Variants in RNF216 observed in about 807,000 individuals in gnomAD.
RNF216 encodes ring finger protein 216, also known as E3 ubiquitin-protein ligase RNF216.
In RNF216, 72 loss-of-function variants were observed where a neutral mutation model predicts 110.8. The observed-to-expected ratio is 0.65, with a 90% CI of 0.54 to 0.79. RNF216 has a LOEUF of 0.79. Among genes scored for constraint, RNF216 ranks in the 30% least tolerant of loss-of-function variants. The pLI is 0.00. For synonymous variants in RNF216, 495 were observed against 407.5 expected, an observed-to-expected ratio of 1.21 and a Z score of -2.59; for missense variants, 1,342 against 1,141.2, an observed-to-expected ratio of 1.18 and a Z score of -2.54.
At position 5,724,838 on chromosome 7, in the gene RNF216, G is replaced by C. The variant is rs190788610; in HGVS notation, c.1504+486C>G. On this transcript the variant is annotated intron_variant, in intron 8 of 16. Transcript: ENST00000389902. ...CTCAAGTTTACATTTTTGGGGATCA[G>C]ACCTAAATAACCTCTTCAAAAGGGT... Among the ~76,000 whole-genome samples the C allele has an allele frequency of 1.3e-5, 2 of 152,134 alleles. 1 individual carries two copies. Among genetic ancestry groups the C allele is most frequent in the South Asian group, 4.1e-4 (2 of 4,830 alleles).
chr7:5,684,957 C>T (rs1487080983), intron 13 of RNF216, among the ~76,000 whole-genome samples: 2 of 152,088 alleles, frequency 1.3e-5, no homozygotes, highest in African/African-American at 4.8e-5. Flanking sequence ...CCACAGGCTT[C>T]AGGATGTGCA....
chr7:5,745,885 G>A (rs1373988595), intron 3 of RNF216, among the ~76,000 whole-genome samples: 2 of 93,656 alleles, frequency 2.1e-5, no homozygotes, highest in Admixed American at 2.8e-4. Context: ...GATAGATTGA[G>A]ACTGTCTTAA....
intron 13 of RNF216, among the ~76,000 whole-genome samples, chr7:5,679,184 C>T (rs1230381075): frequency 6.6e-6 from 1 of 150,622 alleles, no homozygotes; most frequent in South Asian, 2.1e-4. Context: ...CTGTCACCCT[C>T]GGGTAGGGGT....
chr7:5,655,676 G>A (rs1018957860), intron 13 of RNF216, among the ~76,000 whole-genome samples: 2 of 150,618 alleles, frequency 1.3e-5, no homozygotes, highest in African/African-American at 5.0e-5. Flanking sequence ...ATTAAAATAA[G>A]GCAAGCAAAC....
intron 6 of RNF216, 38 bp from the exon 7 acceptor site, chr7:5,729,634 A>G: frequency 6.4e-7 from 1 of 1,551,522 alleles, no homozygotes; most frequent in African/African-American, 1.4e-5. Context: ...GAGGCCAGGC[A>G]GTACATTTCC....
At chr7:5,674,062 C>T (rs1044437007) in intron 13 of RNF216, among the ~76,000 whole-genome samples, 1 of 151,492 alleles carries the variant, frequency 6.6e-6, no homozygotes, top group Non-Finnish European at 1.5e-5. Flanking sequence ...CGGAGTCTTG[C>T]CTTGTCGCCC....
intron 1 of RNF216, among the ~76,000 whole-genome samples, chr7:5,764,868 A>C (rs1315918413): frequency 6.6e-6 from 1 of 152,034 alleles, no homozygotes; most frequent in African/African-American, 2.4e-5. Context: ...GAAATTCGAG[A>C]CCAGCCTGAG....
At chr7:5,670,881 G>A (rs534147210) in intron 13 of RNF216, among the ~76,000 whole-genome samples, 2 of 152,278 alleles carry the variant, frequency 1.3e-5, no homozygotes, top group East Asian at 3.9e-4. Context: ...CAGGGGTGAG[G>A]GTCCACCCTG....
chr7:5,671,436 A>G (rs888063481), intron 13 of RNF216, among the ~76,000 whole-genome samples: 2 of 152,232 alleles, frequency 1.3e-5, no homozygotes, highest in Non-Finnish European at 2.9e-5. Context: ...ATTTGGAGAC[A>G]GGGACTTTAA....
chr7:5,697,317 G>A (rs950748161), intron 13 of RNF216, among the ~76,000 whole-genome samples: 1 of 152,200 alleles, frequency 6.6e-6, no homozygotes, highest in Non-Finnish European at 1.5e-5. Flanking sequence ...GGCCGTGGTT[G>A]CCCTTTCTCT....
At chr7:5,754,037 G>T (rs1028471086) in intron 2 of RNF216, among the ~76,000 whole-genome samples, 5 of 151,448 alleles carry the variant, frequency 3.3e-5, no homozygotes, top group African/African-American at 1.2e-4. Context: ...AAGAAGAGAA[G>T]AAGAAAGAAA....
At chr7:5,700,696 C>T (rs1431445436) in intron 13 of RNF216, among the ~76,000 whole-genome samples, 1 of 152,160 alleles carries the variant, frequency 6.6e-6, no homozygotes, top group African/African-American at 2.4e-5. Flanking sequence ...TCTGTGAGTA[C>T]TACAGACAGT....
At chr7:5,646,671 G>A (rs1301576372) in intron 14 of RNF216, among the ~76,000 whole-genome samples, 3 of 150,662 alleles carry the variant, frequency 2.0e-5, no homozygotes, top group East Asian at 3.9e-4. Flanking sequence ...CCAGCCTGGC[G>A]ACAGAGCGAG....
chr7:5,723,241 A>G (rs1793547106), intron 8 of RNF216, among the ~76,000 whole-genome samples: 1 of 152,232 alleles, frequency 6.6e-6, no homozygotes, highest in Non-Finnish European at 1.5e-5. Flanking sequence ...GTAATTATCA[A>G]TGCTACAAAT....
In RNF216 at chr7:5,767,559, A is replaced by C. The variant is rs145435141; in HGVS notation, c.-69-6421T>G. On this transcript the variant is annotated intron_variant, in intron 1 of 16. Transcript: ENST00000389902. ...CAAAATCCAACAGCAGAGAAGCTAA[A>C]GAGCTGAGCAGAAATCTCAGCAAAC... is the stretch of plus-strand genomic sequence containing the variant. Among the ~76,000 whole-genome samples, 481 of 152,262 alleles carry C rather than the reference A, an allele frequency of 3.2e-3. 1 individual carries two copies. Among genetic ancestry groups the C allele is most frequent in the Middle Eastern group, 6.8e-3 (2 of 294 alleles).
At chr7:5,745,986 G>A (rs889272459) in intron 3 of RNF216, among the ~76,000 whole-genome samples, 1 of 151,558 alleles carries the variant, frequency 6.6e-6, no homozygotes, top group Non-Finnish European at 1.5e-5. Flanking sequence ...AAAGACAGTT[G>A]AGATCCTTAC....
chr7:5,741,512 T>TGTCATTTGCTGC lies in RNF216; in HGVS notation c.493_504dup (p.Ala165_Asp168dup). On this transcript the variant is annotated inframe_insertion, in exon 4 of 17. Transcript: ENST00000389902. Reference sequence around the variant, plus strand: ...TTCTGCTCTGATCTGGGGTTGACAATGTCATTTGCTGCTTGGTTATGACTC... The same window carrying TGTCATTTGCTGC: ...TTCTGCTCTGATCTGGGGTTGACAATGTCATTTGCTGCGTCATTTGCTGCTTGGTTATGACTC... The TGTCATTTGCTGC allele has an allele frequency of 6.2e-7, 1 of 1,614,220 alleles. No individual in the cohort carries two copies. The highest frequency in any genetic ancestry group is 8.5e-7 in the Non-Finnish European group (1 of 1,180,046).
rs140810152 is a variant in RNF216 at position 5,719,849 on chromosome 7, T to A, written c.1644+1184A>T. On this transcript the variant is annotated intron_variant, in intron 9 of 16. Coordinates refer to ENST00000389902, the MANE Select transcript of RNF216 (RefSeq NM_207111.4). ...CAATGCAGCTGCTTTGTGGCTCAGT[T>A]GCATAAGTGCTTTCCTCATACCTGG... 4.6e-3 allele frequency among the ~76,000 whole-genome samples: 703 copies of A among 152,330 alleles called. 3 individuals are homozygous for A. Among genetic ancestry groups the A allele is most frequent in the African/African-American group, 0.016 (669 of 41,576 alleles).
chr7:5,645,253 T>C (rs1787984900), intron 14 of RNF216, among the ~76,000 whole-genome samples: 2 of 152,104 alleles, frequency 1.3e-5, no homozygotes, highest in African/African-American at 4.8e-5. Context: ...ATTCAGCTTC[T>C]TGGATGTATA....
Sources: allele counts gnomAD v4.1 joint callset (sites outside exome capture counted in the v4.1 genomes callset), GRCh38; gene constraint gnomAD v4.1.1; transcripts MANE v1.5; gene names NCBI Gene and HGNC (gene_info 2026-07-23, HGNC 2026-07-21).